RADIL: variants seen among roughly 807,000 people sequenced by gnomAD.
RADIL encodes Rap associating with DIL domain.
RADIL carries 99 observed loss-of-function variants against 97.6 expected under a neutral mutation model. The observed-to-expected ratio is 1.01, with a 90% CI of 0.86 to 1.20. The LOEUF is 1.20. Among genes scored for constraint, RADIL ranks in the 50% most tolerant of loss-of-function variants. The probability of loss-of-function intolerance (pLI) is 0.00; values close to 1 mark genes in which losing one functional copy is unlikely to be tolerated. For missense variants in RADIL, 1,765 were observed against 1,498.9 expected (o/e 1.18, Z -2.93); for synonymous variants, 803 against 691.8 (o/e 1.16, Z -2.52).
chr7:4,837,771 C>T lies in RADIL; in HGVS notation c.536-1166G>A. The T allele has an allele frequency of 1.1e-6, 1 of 897,316 alleles. No individual in the cohort carries two copies. Among genetic ancestry groups the T allele is most frequent in the Non-Finnish European group, 1.3e-6 (1 of 750,078 alleles). The allele number at this position is 897,316 out of a possible 1,614,324, so 55.6% of individuals were successfully genotyped here. On this transcript the variant is annotated intron_variant, in intron 2 of 14. Coordinates refer to ENST00000399583, the MANE Select transcript of RADIL (RefSeq NM_018059.5). The surrounding 1 kb of genome is among the most constrained non-coding windows in gnomAD (Gnocchi z 5.6). ...TTAATATCTCATAAATACAGACACGCTCTCTAAATGCATGCTCTGGGAAAG... is the reference window on the plus strand; with the variant it reads ...TTAATATCTCATAAATACAGACACGTTCTCTAAATGCATGCTCTGGGAAAG...
chr7:4,848,543 G>C (rs1000120521), intron 2 of RADIL, among the ~76,000 whole-genome samples: 2 of 152,032 alleles, frequency 1.3e-5, no homozygotes, highest in South Asian at 4.2e-4. Context: ...GGAAAAGAAT[G>C]GACAAGCAAG....
At chr7:4,860,549 G>C (rs1485719437) in intron 2 of RADIL, 1 of 1,614,168 alleles carries the variant, frequency 6.2e-7, no homozygotes, top group Non-Finnish European at 8.5e-7. Flanking sequence ...TGCTGGAAAT[G>C]ACTGTGGATT....
chr7:4,829,077 C>A (rs759476214), intron 5 of RADIL, among the ~76,000 whole-genome samples: 1 of 152,228 alleles, frequency 6.6e-6, no homozygotes, highest in Non-Finnish European at 1.5e-5. Flanking sequence ...GAGGCCACCA[C>A]GCCTGTTACT....
intron 5 of RADIL, among the ~76,000 whole-genome samples, chr7:4,826,234 T>C (rs2115207358): frequency 6.6e-6 from 1 of 151,740 alleles, no homozygotes; most frequent in South Asian, 2.1e-4. Context: ...TTAAATTAAA[T>C]GAAGTAAAAA....
intron 2 of RADIL, among the ~76,000 whole-genome samples, chr7:4,875,137 A>G (rs528456888): frequency 4.2e-5 from 6 of 143,276 alleles, no homozygotes; most frequent in Admixed American, 2.7e-4. Context: ...GCTTGCAGTG[A>G]GCCGAGATTG....
At chr7:4,869,037 G>A (rs1784194135) in intron 2 of RADIL, among the ~76,000 whole-genome samples, 1 of 152,236 alleles carries the variant, frequency 6.6e-6, no homozygotes, top group African/African-American at 2.4e-5. Flanking sequence ...TGAGGCAGGA[G>A]AATGGGCTGA....
At position 4,848,649 on chromosome 7, in the gene RADIL, T is replaced by C. The variant is rs549587618; in HGVS notation, c.536-12044A>G. Among the ~76,000 whole-genome samples, 7 of 152,150 alleles carry C rather than the reference T, an allele frequency of 4.6e-5. No homozygotes were observed. The South Asian group carries it at 1.5e-3, about 32-fold the overall frequency. ...ATCTTTAGTTGTGAAAAGCTATACATGATCATAAAAAGGTAAACCCTGATT... is the reference window on the plus strand; with the variant it reads ...ATCTTTAGTTGTGAAAAGCTATACACGATCATAAAAAGGTAAACCCTGATT... On this transcript the variant is annotated intron_variant, in intron 2 of 14. Coordinates refer to ENST00000399583, the MANE Select transcript of RADIL (RefSeq NM_018059.5).
Position 4,819,179 on chromosome 7 carries a change from C to A in RADIL, c.1616-1828G>T, listed in dbSNP as rs1248623896. On this transcript the variant is annotated intron_variant, in intron 6 of 14. Coordinates refer to ENST00000399583, the MANE Select transcript of RADIL (RefSeq NM_018059.5). The surrounding 1 kb of genome is among the most constrained non-coding windows in gnomAD (Gnocchi z 5.8). ...CTCAGCTTTCCAGGTTCAAGCGATTCTCCTGCCTCAGCCTCCCAAGTAGCT... is the reference window on the plus strand; with the variant it reads ...CTCAGCTTTCCAGGTTCAAGCGATTATCCTGCCTCAGCCTCCCAAGTAGCT... Among the ~76,000 whole-genome samples, 1 of 151,818 alleles carries A rather than the reference C, an allele frequency of 6.6e-6. No homozygotes were observed. The highest frequency in any genetic ancestry group is 1.5e-5 in the Non-Finnish European group (1 of 67,984).
chr7:4,874,106 G>A (rs912241385), intron 2 of RADIL, among the ~76,000 whole-genome samples: 3 of 152,246 alleles, frequency 2.0e-5, no homozygotes, highest in Non-Finnish European at 4.4e-5. Flanking sequence ...TCAGAGGCGG[G>A]TTCCAGGGAT....
intron 2 of RADIL, among the ~76,000 whole-genome samples, chr7:4,843,958 C>T (rs1783508243): frequency 7.1e-6 from 1 of 141,766 alleles, no homozygotes; most frequent in Non-Finnish European, 1.5e-5. Flanking sequence ...TGTGGCTAAA[C>T]AGGAACATAT....
chr7:4,834,472 G>T lies in RADIL; in HGVS notation c.1416+135C>A. ...GGGGGGCAGCGACAGGCAGGGAAAG[G>T]CCGCCCTGCGCTCAGCAGCACAGCA... On this transcript the variant is annotated intron_variant, in intron 4 of 14. Coordinates refer to ENST00000399583, the MANE Select transcript of RADIL (RefSeq NM_018059.5). This position sits in a 1 kb window ranked among gnomAD's most constrained non-coding sequence, Gnocchi z 6.0. 9.4e-7 allele frequency: 1 copy of T among 1,065,020 alleles called. No individual in the cohort carries two copies. Among genetic ancestry groups the T allele is most frequent in the Non-Finnish European group, 1.2e-6 (1 of 836,410 alleles). 66.0% of individuals were successfully genotyped at this position (1,065,020 alleles called of 1,614,324 possible).
chr7:4,832,762 A>AAAT (rs1289143385), intron 4 of RADIL, among the ~76,000 whole-genome samples: 4 of 145,306 alleles, frequency 2.8e-5, no homozygotes, highest in Non-Finnish European at 5.9e-5. Context: ...AAAAAAAAAA[A>AAAT]AGAATTATTC....
chr7:4,873,450 A>C lies in RADIL; in HGVS notation c.535+4155T>G, dbSNP rs772136710. 2.0e-5 allele frequency among the ~76,000 whole-genome samples: 3 copies of C among 152,098 alleles called. No homozygotes were observed. The highest frequency in any genetic ancestry group is 4.4e-5 in the Non-Finnish European group (3 of 68,018). ...CCTTCCCTTTCTCGCCACTTTTTCCAGGTGAGATCGAACTGTTATCTCACC... is the reference window on the plus strand; with the variant it reads ...CCTTCCCTTTCTCGCCACTTTTTCCCGGTGAGATCGAACTGTTATCTCACC... On this transcript the variant is annotated intron_variant, in intron 2 of 14. Transcript: ENST00000399583. This position sits in a 1 kb window ranked among gnomAD's most constrained non-coding sequence, Gnocchi z 4.3.
chr7:4,864,954 C>G (rs1309964417), intron 2 of RADIL, among the ~76,000 whole-genome samples: 1 of 152,210 alleles, frequency 6.6e-6, no homozygotes, highest in Non-Finnish European at 1.5e-5. Flanking sequence ...CCAGGTAGAT[C>G]TTTTCCCCAA....
At chr7:4,866,368 A>T (rs965719288) in intron 2 of RADIL, among the ~76,000 whole-genome samples, 1 of 152,280 alleles carries the variant, frequency 6.6e-6, no homozygotes, top group African/African-American at 2.4e-5. Flanking sequence ...CATGAAATGG[A>T]TTTGTTTTGT....
chr7:4,853,514 G>T (rs1032657350), intron 2 of RADIL, among the ~76,000 whole-genome samples: 1 of 152,040 alleles, frequency 6.6e-6, no homozygotes, highest in African/African-American at 2.4e-5. Context: ...AGGCCAGGGC[G>T]GGCAGATGAC....
rs2115152389 is a variant in RADIL, at chr7:4,801,238, A to G, written c.2842+415T>C. ...CACCCATGCACCTGTGAGCACACAT[A>G]TCCACACGCACAAGCACACAGGCAC... On this transcript the variant is annotated intron_variant, in intron 12 of 14. Coordinates refer to ENST00000399583, the MANE Select transcript of RADIL (RefSeq NM_018059.5). 1.3e-5 allele frequency among the ~76,000 whole-genome samples: 2 copies of G among 152,228 alleles called. 1 individual carries two copies. The highest frequency in any genetic ancestry group is 4.1e-4 in the South Asian group (2 of 4,824).
intron 9 of RADIL, among the ~76,000 whole-genome samples, chr7:4,809,906 G>A (rs968533101): frequency 2.0e-5 from 3 of 152,168 alleles, no homozygotes; most frequent in Non-Finnish European, 2.9e-5. Context: ...AGGCTGGAGT[G>A]TGGTGGTGTG....
At chr7:4,865,510 C>CT in intron 2 of RADIL, 1 of 782,684 alleles carries the variant, frequency 1.3e-6, no homozygotes, top group East Asian at 2.4e-5. Context: ...CTGTTAGCAA[C>CT]TATGCGCAGC....
Sources: allele counts gnomAD v4.1 joint callset (sites outside exome capture counted in the v4.1 genomes callset), GRCh38; gene constraint gnomAD v4.1.1; non-coding constraint Gnocchi (gnomAD v3.1); transcripts MANE v1.5; gene names NCBI Gene and HGNC (gene_info 2026-07-23, HGNC 2026-07-21).